The following KCNK2 variants were observed in gnomAD, a reference collection of about 807,000 sequenced individuals.
KCNK2 encodes potassium two pore domain channel subfamily K member 2, also known as potassium channel subfamily K member 2.
KCNK2 carries 21 observed loss-of-function variants against 40.5 expected under a neutral mutation model. The ratio of observed to expected loss-of-function variants is 0.52; its 90% confidence interval spans 0.37 to 0.75. KCNK2 has a LOEUF of 0.75. Ranked by LOEUF, KCNK2 falls within the 30% of genes least tolerant of loss-of-function variation. The pLI, the probability that KCNK2 is intolerant of heterozygous loss-of-function variation, is 0.00. For missense variants in KCNK2, 399 were observed against 531.6 expected (o/e 0.75, Z 2.45); for synonymous variants, 191 against 202.2 (o/e 0.94, Z 0.47).
chr1:215,115,944 G>A (rs569372156), intron 2 of KCNK2, among the ~76,000 whole-genome samples: 1 of 141,894 alleles, frequency 7.0e-6, no homozygotes, highest in African/African-American at 2.6e-5. Flanking sequence ...GTTGCACAGG[G>A]TCTTCATCAT....
chr1:215,148,080 C>CTTTCTTTTTTTTT (rs1553267720), intron 3 of KCNK2, among the ~76,000 whole-genome samples: 1 of 111,152 alleles, frequency 9.0e-6, no homozygotes. Context: ...TTTTCTTTTC[C>CTTTCTTTTTTTTT]TTTTTTTTTT....
upstream of KCNK2, chr1:215,005,757 G>A (rs1571839780): frequency 4.9e-6 from 3 of 610,200 alleles, no homozygotes; most frequent in East Asian, 8.3e-5. Flanking sequence ...TTTTGTACAG[G>A]AAACTGATCT....
At chr1:215,079,105 T>G (rs7555727), upstream of KCNK2, among the ~76,000 whole-genome samples, 114,249 of 152,166 alleles carry the variant, frequency 0.75, 43,358 homozygotes, top group Non-Finnish European at 0.77. Context: ...AGAACTAAAT[T>G]TTTTAATTAT....
intron 6 of KCNK2, among the ~76,000 whole-genome samples, chr1:215,204,812 A>G (rs1239354230): frequency 6.6e-6 from 1 of 152,186 alleles, no homozygotes; most frequent in African/African-American, 2.4e-5. Flanking sequence ...GACTGAGAGT[A>G]GGGGGCATTT....
At chr1:215,005,661 A>T (rs936717194), upstream of KCNK2, 1 of 400,980 alleles carries the variant, frequency 2.5e-6, no homozygotes, top group African/African-American at 2.1e-5. Context: ...TAATCAGGGA[A>T]TTTCTTCCTG....
chr1:215,135,476 A>C (rs893941535), intron 3 of KCNK2, among the ~76,000 whole-genome samples: 1 of 151,972 alleles, frequency 6.6e-6, no homozygotes, highest in Non-Finnish European at 1.5e-5. Flanking sequence ...GTGTAAGCCA[A>C]TATTATTTTT....
intron 2 of KCNK2, among the ~76,000 whole-genome samples, chr1:215,091,759 A>C (rs113978590): frequency 6.2e-4 from 95 of 152,296 alleles, no homozygotes; most frequent in African/African-American, 2.2e-3. Flanking sequence ...AGGAGGCTTC[A>C]CTAATAAGGT....
At chr1:215,049,700 AT>A (rs1657914390) in intron 1 of KCNK2, among the ~76,000 whole-genome samples, 1 of 152,058 alleles carries the variant, frequency 6.6e-6, no homozygotes, top group Non-Finnish European at 1.5e-5. Context: ...TAGGTTATTT[AT>A]TTATTTATTT....
chr1:215,207,335 T>G (rs1021761072), intron 6 of KCNK2, among the ~76,000 whole-genome samples: 1 of 152,164 alleles, frequency 6.6e-6, no homozygotes, highest in Non-Finnish European at 1.5e-5. Context: ...AGACCTATGC[T>G]GCACACTCCC....
At chr1:215,134,929 T>C (rs902691581) in intron 3 of KCNK2, among the ~76,000 whole-genome samples, 9 of 151,896 alleles carry the variant, frequency 5.9e-5, no homozygotes, top group Non-Finnish European at 7.4e-5. Flanking sequence ...TAAATTATAG[T>C]ATCATGAGGA....
At position 215,211,437 on chromosome 1, in the gene KCNK2, C is replaced by G. The variant is rs145019652; in HGVS notation, c.963+16345C>G. Reference sequence around the variant, plus strand: ...TGGCCATTCTATTTAAGATTGACATCCTTTTCCCCAAGCACCCTTGGTTCT... The same window carrying G: ...TGGCCATTCTATTTAAGATTGACATGCTTTTCCCCAAGCACCCTTGGTTCT... On this transcript the variant is annotated intron_variant, in intron 6 of 6. Transcript: ENST00000444842. Among the ~76,000 whole-genome samples the G allele has an allele frequency of 2.5e-3, 382 of 152,256 alleles. 1 individual carries two copies. Among genetic ancestry groups the G allele is most frequent in the Non-Finnish European group, 3.5e-3 (236 of 68,022 alleles).
intron 3 of KCNK2, among the ~76,000 whole-genome samples, chr1:215,147,371 T>A (rs539774105): frequency 3.9e-5 from 6 of 152,046 alleles, no homozygotes; most frequent in African/African-American, 1.2e-4. Flanking sequence ...AAACTGGTGT[T>A]ATAGAGGAAC....
chr1:215,083,213 CGCG>C lies in KCNK2; in HGVS notation c.-172_-170del. The C allele has an allele frequency of 7.2e-7, 1 of 1,393,878 alleles. No homozygotes were observed. The highest frequency in any genetic ancestry group is 1.2e-5 in the South Asian group (1 of 80,358). The allele number at this position is 1,393,878 out of a possible 1,614,324, so 86.3% of individuals were successfully genotyped here. On this transcript the variant is annotated 5_prime_UTR_variant, in exon 1 of 7. Transcript: ENST00000444842. ...TCACGCTCCCCCCCCCGCCCCCTCCCGCGTCCAGCCCCGCTCTCCCCACCTTGT... is the reference window on the plus strand; with the variant it reads ...TCACGCTCCCCCCCCCGCCCCCTCCCTCCAGCCCCGCTCTCCCCACCTTGT...
At chr1:215,015,366 A>G (rs1366547852) in intron 1 of KCNK2, among the ~76,000 whole-genome samples, 2 of 151,732 alleles carry the variant, frequency 1.3e-5, no homozygotes, top group Admixed American at 1.3e-4. Flanking sequence ...ATTTTTGGTA[A>G]CCCCAGATCA....
At chr1:215,051,259 A>T (rs1164932351) in intron 1 of KCNK2, among the ~76,000 whole-genome samples, 3 of 152,110 alleles carry the variant, frequency 2.0e-5, no homozygotes, top group Non-Finnish European at 4.4e-5. Context: ...TAATAATTTT[A>T]TGTGGAAGAT....
chr1:215,113,116 A>G lies in KCNK2; in HGVS notation c.358-11517A>G, dbSNP rs11810484. Among the ~76,000 whole-genome samples the G allele has an allele frequency of 2.7e-3, 408 of 152,326 alleles. 2 individuals carry two copies. Among genetic ancestry groups the G allele is most frequent in the African/African-American group, 9.6e-3 (399 of 41,584 alleles). ...CACATAGGCCATATGCGACATAAAC[A>G]TATAAGACAAGGCCTGATGACTATT... is the stretch of plus-strand genomic sequence containing the variant. On this transcript the variant is annotated intron_variant, in intron 2 of 6. Coordinates refer to ENST00000444842, the MANE Select transcript of KCNK2 (RefSeq NM_001017425.3).
In KCNK2 at chr1:215,230,501, A is replaced by ACACACACG. The variant is rs529812751; in HGVS notation, c.964-4326_964-4325insACACACGC. On this transcript the variant is annotated intron_variant, in intron 6 of 6. Coordinates refer to ENST00000444842, the MANE Select transcript of KCNK2 (RefSeq NM_001017425.3). The stretch of plus-strand genomic sequence containing the variant: ...TATACACACACACACACACACACAC[A>ACACACACG]CGGCTGTATATATATATATATATAT... 1.1e-3 allele frequency among the ~76,000 whole-genome samples: 118 copies of ACACACACG among 105,152 alleles called. 1 individual carries two copies. The highest frequency in any genetic ancestry group is 4.7e-3 in the African/African-American group (114 of 24,362). The allele number at this position is 105,152 out of a possible 152,430, so 69.0% of individuals were successfully genotyped here.
intron 5 of KCNK2, among the ~76,000 whole-genome samples, chr1:215,174,948 A>G (rs543854252): frequency 6.6e-6 from 1 of 152,118 alleles, no homozygotes; most frequent in East Asian, 1.9e-4. Flanking sequence ...TCCTAATTGA[A>G]TACCCTTTAT....
In KCNK2 at chr1:215,236,960, G is replaced by T. The variant is rs1181855306; in HGVS notation, c.*1815G>T. 1 of 152,482 alleles carries T rather than the reference G, an allele frequency of 6.6e-6. No homozygotes were observed. Among genetic ancestry groups the T allele is most frequent in the African/African-American group, 2.4e-5 (1 of 41,414 alleles). The allele number at this position is 152,482 out of a possible 1,614,324, so 9.4% of individuals were successfully genotyped here. On this transcript the variant is annotated 3_prime_UTR_variant, in exon 7 of 7. Transcript: ENST00000444842. ...TAAAAAAAATCCAACCAAAATTTTA[G>T]AAAGTCAGGCTCTTTTAGAAAGAAA...
Sources: gnomAD v4.1 joint callset for allele counts (sites outside exome capture counted in the v4.1 genomes callset) on GRCh38, gnomAD v4.1.1 for gene constraint, MANE v1.5 for transcripts, NCBI Gene and HGNC (gene_info 2026-07-23, HGNC 2026-07-21) for gene names.